CLASP1: variants seen among roughly 807,000 people sequenced by gnomAD.
CLASP1 encodes CLIP-associating protein 1.
Under a neutral mutation model 192.3 loss-of-function variants are expected in CLASP1, and 38 were observed. That is an observed-to-expected ratio of 0.20 (90% CI 0.15 to 0.26). The LOEUF (loss-of-function observed/expected upper bound fraction) is 0.26, where lower values mean the gene tolerates loss of function less well. Ranked by LOEUF, CLASP1 falls within the 10% of genes least tolerant of loss-of-function variation. The pLI, the probability that CLASP1 is intolerant of heterozygous loss-of-function variation, is 1.00. For synonymous variants in CLASP1, 691 were observed against 712.8 expected, an observed-to-expected ratio of 0.97 and a Z score of 0.49; for missense variants, 1,433 against 1,932.5, an observed-to-expected ratio of 0.74 and a Z score of 4.85.
At chr2:121,414,297 A>G (rs1347395535) in intron 23 of CLASP1, among the ~76,000 whole-genome samples, 94 bp from the exon 24 acceptor site, 1 of 152,230 alleles carries the variant, frequency 6.6e-6, no homozygotes, top group Non-Finnish European at 1.5e-5. Flanking sequence ...AGAGACTGCT[A>G]CCAACAAGGC....
chr2:121,464,620 G>T (rs529644760), intron 9 of CLASP1, among the ~76,000 whole-genome samples: 4 of 152,208 alleles, frequency 2.6e-5, no homozygotes, highest in South Asian at 4.2e-4. Flanking sequence ...TTTTTCATGT[G>T]TTTTTTTAGC....
At chr2:121,531,130 T>A (rs1575727726) in intron 2 of CLASP1, 3 of 620,422 alleles carry the variant, frequency 4.8e-6, no homozygotes, top group African/African-American at 1.8e-5. Flanking sequence ...GCAAGTAAAG[T>A]TCTTTCAGTT....
chr2:121,377,798 G>C, intron 33 of CLASP1, 149 bp from the exon 35 acceptor site: 2 of 562,302 alleles, frequency 3.6e-6, no homozygotes, highest in Non-Finnish European at 6.0e-6. Context: ...GACGTCTTTT[G>C]TTAGAGTACC....
intron 22 of CLASP1, among the ~76,000 whole-genome samples, chr2:121,420,567 CCCT>C: frequency 1.3e-5 from 2 of 152,152 alleles, no homozygotes. Context: ...AGAACACGTC[CCCT>C]CATTTTAAAT....
chr2:121,402,721 C>A lies in CLASP1; in HGVS notation c.2734-851G>T, dbSNP rs10165782. On this transcript the variant is annotated intron_variant, in intron 26 of 39. Coordinates refer to ENST00000263710, the Ensembl canonical transcript of CLASP1. The stretch of plus-strand genomic sequence containing the variant: ...GTTCTAAACCATCTAATAGTGTTCA[C>A]GTTATAAATCTTAAGAATCTAATTA... 1,756 of 500,324 alleles carry A rather than the reference C, an allele frequency of 3.5e-3. 19 individuals are homozygous for A. Among genetic ancestry groups the A allele is most frequent in the African/African-American group, 0.03 (1,535 of 51,068 alleles). The allele number at this position is 500,324 out of a possible 1,614,324, so 31.0% of individuals were successfully genotyped here.
chr2:121,385,398 T>C (rs1167642935), intron 32 of CLASP1, among the ~76,000 whole-genome samples: 1 of 152,232 alleles, frequency 6.6e-6, no homozygotes, highest in Non-Finnish European at 1.5e-5. Context: ...ACACATGAAC[T>C]ACTGAATATT....
chr2:121,511,490 AG>A (rs2094133659), intron 7 of CLASP1, among the ~76,000 whole-genome samples: 1 of 152,018 alleles, frequency 6.6e-6, no homozygotes, highest in Admixed American at 6.6e-5. Context: ...CGGGAGGCTG[AG>A]GCAGGAGAAT....
At chr2:121,342,355 C>G (rs1178223730) in intron 39 of CLASP1, among the ~76,000 whole-genome samples, 2 of 152,108 alleles carry the variant, frequency 1.3e-5, no homozygotes, top group African/African-American at 4.8e-5. Flanking sequence ...TGGGCTCAAG[C>G]AATCCTCCTG....
At chr2:121,387,689 G>T in intron 31 of CLASP1, 74 bp downstream of exon 32, 1 of 1,432,618 alleles carries the variant, frequency 7.0e-7, no homozygotes, top group Non-Finnish European at 9.8e-7. Flanking sequence ...TATTCTATTA[G>T]AGTAGGTTCT....
At chr2:121,368,954 C>G (rs557910759) in intron 34 of CLASP1, among the ~76,000 whole-genome samples, 1 of 152,284 alleles carries the variant, frequency 6.6e-6, no homozygotes, top group African/African-American at 2.4e-5. Context: ...TCATTCCCAA[C>G]AAAAACCCTG....
chr2:121,398,327 G>C (rs554236826), exon 29 of CLASP1: 1 of 1,593,270 alleles, frequency 6.3e-7, no homozygotes, highest in African/African-American at 1.3e-5. Flanking sequence ...CTGACCTTGA[G>C]GTTTGGAGTT....
chr2:121,465,987 G>T (rs1167583185), intron 9 of CLASP1, among the ~76,000 whole-genome samples: 3 of 152,134 alleles, frequency 2.0e-5, no homozygotes, highest in Non-Finnish European at 4.4e-5. Flanking sequence ...GCTGAAACTG[G>T]ATCCCTTCCT....
intron 14 of CLASP1, among the ~76,000 whole-genome samples, chr2:121,455,247 C>T (rs1165368329): frequency 6.6e-6 from 1 of 152,168 alleles, no homozygotes; most frequent in Non-Finnish European, 1.5e-5. Context: ...CTTCTTTTCT[C>T]TTTTTGTCTT....
intron 2 of CLASP1, among the ~76,000 whole-genome samples, chr2:121,531,558 T>A (rs1212884510): frequency 7.4e-6 from 1 of 135,852 alleles, no homozygotes; most frequent in Non-Finnish European, 1.5e-5. Context: ...ATCGCGCCAC[T>A]GCACTCCAGC....
intron 23 of CLASP1, among the ~76,000 whole-genome samples, chr2:121,411,712 T>C (rs1163193809): frequency 6.6e-6 from 1 of 152,176 alleles, no homozygotes; most frequent in Non-Finnish European, 1.5e-5. Flanking sequence ...CAAACAAGTA[T>C]TTTAAGCTTA....
intron 37 of CLASP1, 120 bp downstream of exon 38, chr2:121,363,052 G>A: frequency 1.6e-6 from 2 of 1,268,002 alleles, no homozygotes; most frequent in Non-Finnish European, 2.2e-6. Context: ...ATTACGACAT[G>A]GCTGAGTTCC....
At chr2:121,404,678 A>G (rs1160571676) in intron 25 of CLASP1, among the ~76,000 whole-genome samples, 1 of 152,174 alleles carries the variant, frequency 6.6e-6, no homozygotes, top group Admixed American at 6.5e-5. Context: ...GTATCTACAT[A>G]ACAATGTTTT....
At chr2:121,582,192 A>G (rs1402715624) in intron 2 of CLASP1, among the ~76,000 whole-genome samples, 1 of 151,910 alleles carries the variant, frequency 6.6e-6, no homozygotes, top group Non-Finnish European at 1.5e-5. Flanking sequence ...AAAGGAAAAA[A>G]GAAAGGAAGA....
intron 19 of CLASP1, among the ~76,000 whole-genome samples, chr2:121,444,251 C>A (rs2083906109): frequency 6.6e-6 from 1 of 152,018 alleles, no homozygotes; most frequent in Admixed American, 6.6e-5. Flanking sequence ...TCTGGATATG[C>A]CTATTTCTTA....
Sources: gnomAD v4.1 joint callset for allele counts (sites outside exome capture counted in the v4.1 genomes callset) on GRCh38, gnomAD v4.1.1 for gene constraint, MANE v1.5 for transcripts, NCBI Gene and HGNC (gene_info 2026-07-23, HGNC 2026-07-21) for gene names.